FREM1: variants seen among roughly 807,000 people sequenced by gnomAD.
The protein encoded by FREM1 is FRAS1 related extracellular matrix 1, also known as FRAS1-related extracellular matrix protein 1.
A neutral mutation model predicts 210.1 loss-of-function variants in FREM1; 220 were observed. The ratio of observed to expected loss-of-function variants is 1.05; its 90% confidence interval spans 0.94 to 1.17. The LOEUF is 1.17. FREM1 is among the 50% of genes most tolerant of loss of function. The pLI, the probability that FREM1 is intolerant of heterozygous loss-of-function variation, is 0.00. For synonymous variants in FREM1, 1,189 were observed against 980.2 expected (o/e 1.21, Z -3.98); for missense variants, 3,454 against 2,675.5 (o/e 1.29, Z -6.42).
chr9:14,807,670 CAA>C (rs1328149308), intron 17 of FREM1, among the ~76,000 whole-genome samples: 1 of 106,896 alleles, frequency 9.4e-6, no homozygotes, highest in African/African-American at 2.8e-5. Context: ...AACACACACA[CAA>C]AGACACACAC....
chr9:14,770,949 AG>A, intron 25 of FREM1, 143 bp from the exon 26 acceptor site: 1 of 628,530 alleles, frequency 1.6e-6, no homozygotes, highest in Non-Finnish European at 2.8e-6. Flanking sequence ...TGCTAAAGAC[AG>A]TCCTGTTCAC....
rs1432120775 is a variant in FREM1 at position 14,868,811 on chromosome 9, T to A, written c.167A>T (p.Asp56Val). ...CATCACAACTTCCACTTTGCAGGCATCTTTCTCTTTAGGGATGGCAAACTT... is the reference window on the plus strand; with the variant it reads ...CATCACAACTTCCACTTTGCAGGCAACTTTCTCTTTAGGGATGGCAAACTT... ...DLKFAIPKEKDACKVEVVMNE... is the reference protein window; with the variant it reads ...DLKFAIPKEKVACKVEVVMNE... Residue 56 changes from aspartate to valine, a missense_variant, in exon 2 of 37, where the codon GAT becomes GTT. Coordinates refer to ENST00000380880, the MANE Select transcript of FREM1 (RefSeq NM_001379081.2). The A allele has an allele frequency of 1.1e-5, 18 of 1,613,058 alleles. No homozygotes were observed. Among genetic ancestry groups the A allele is most frequent in the Non-Finnish European group, 1.4e-5 (16 of 1,179,510 alleles).
Position 14,899,216 on chromosome 9 carries a change from C to G in FREM1, c.-268+10698G>C, listed in dbSNP as rs549934727. On this transcript the variant is annotated intron_variant, in intron 1 of 36. Coordinates refer to ENST00000380880, the MANE Select transcript of FREM1 (RefSeq NM_001379081.2). ...AGCTACTCAAGGGCCACCCTGGTGGCTCACAGGCCATGTCCCCACAGTGAG... is the reference window on the plus strand; with the variant it reads ...AGCTACTCAAGGGCCACCCTGGTGGGTCACAGGCCATGTCCCCACAGTGAG... Among the ~76,000 whole-genome samples, 4 of 152,354 alleles carry G rather than the reference C, an allele frequency of 2.6e-5. No homozygotes were observed. In the South Asian group the frequency reaches 8.3e-4, roughly 32 times the overall value.
intron 17 of FREM1, among the ~76,000 whole-genome samples, 158 bp downstream of exon 17, chr9:14,807,782 T>A (rs1264944791): frequency 1.3e-5 from 2 of 152,244 alleles, no homozygotes; most frequent in East Asian, 3.9e-4. Flanking sequence ...CTTAACAGAT[T>A]TGGGTTTTCC....
chr9:14,835,218 C>G (rs1233030413), intron 10 of FREM1, among the ~76,000 whole-genome samples: 1 of 152,216 alleles, frequency 6.6e-6, no homozygotes, highest in Non-Finnish European at 1.5e-5. Flanking sequence ...GTCAAGGAAA[C>G]TTATTTTAAA....
rs1489198287 is a variant in FREM1, at chr9:14,809,724, T to G, written c.2894-1590A>C. On this transcript the variant is annotated intron_variant, in intron 16 of 36. Transcript: ENST00000380880. ...TCAACACCTACTGTGTGATAATTAG[T>G]GTTTCCAGCACACCAGCAGAGAAAA... is the stretch of plus-strand genomic sequence containing the variant. Among the ~76,000 whole-genome samples the G allele has an allele frequency of 2.0e-5, 3 of 152,154 alleles. No individual in the cohort carries two copies. The East Asian group carries it at 5.8e-4, about 29-fold the overall frequency.
intron 2 of FREM1, among the ~76,000 whole-genome samples, chr9:14,867,442 T>G (rs1435411529): frequency 2.0e-5 from 3 of 152,220 alleles, no homozygotes; most frequent in African/African-American, 7.2e-5. Context: ...GATACCCATC[T>G]AAAGCTCTTT....
At chr9:14,762,986 T>A (rs941782553) in intron 27 of FREM1, among the ~76,000 whole-genome samples, 10 of 152,150 alleles carry the variant, frequency 6.6e-5, no homozygotes, top group African/African-American at 2.4e-4. Flanking sequence ...TGTGTAGGTG[T>A]CATGTAGATA....
At chr9:14,820,822 G>C (rs1192395911) in intron 13 of FREM1, among the ~76,000 whole-genome samples, 1 of 152,176 alleles carries the variant, frequency 6.6e-6, no homozygotes, top group Admixed American at 6.5e-5. Flanking sequence ...CTGTTTGTAG[G>C]AGAAAGAAAG....
intron 21 of FREM1, among the ~76,000 whole-genome samples, chr9:14,793,181 A>C (rs1001473591): frequency 3.3e-5 from 5 of 152,216 alleles, no homozygotes; most frequent in African/African-American, 1.2e-4. Flanking sequence ...ATTCTATAAA[A>C]TGATCTTGTT....
At chr9:14,785,278 T>G (rs1850234190) in intron 23 of FREM1, among the ~76,000 whole-genome samples, 1 of 152,226 alleles carries the variant, frequency 6.6e-6, no homozygotes, top group African/African-American at 2.4e-5. Context: ...TACAGCTACA[T>G]GGAACAACAC....
intron 1 of FREM1, among the ~76,000 whole-genome samples, chr9:14,888,111 A>C (rs1405632744): frequency 6.6e-6 from 1 of 152,182 alleles, no homozygotes. Context: ...ACCAACATTT[A>C]TACGTGTTTA....
At chr9:14,892,743 C>T (rs186612864) in intron 1 of FREM1, among the ~76,000 whole-genome samples, 6 of 152,252 alleles carry the variant, frequency 3.9e-5, no homozygotes, top group East Asian at 3.9e-4. Flanking sequence ...GACAAGCTGC[C>T]GCCTGAACTT....
chr9:14,872,008 T>G (rs548262582), intron 1 of FREM1, among the ~76,000 whole-genome samples: 1 of 152,324 alleles, frequency 6.6e-6, no homozygotes, highest in South Asian at 2.1e-4. Context: ...GAGGGCTCTG[T>G]GCTGTTCCAT....
chr9:14,781,705 A>G (rs111330324), intron 24 of FREM1, among the ~76,000 whole-genome samples: 4,728 of 152,216 alleles, frequency 0.031, 226 homozygotes, highest in African/African-American at 0.11. Context: ...AAAGGCTTCT[A>G]TAAATTCTTT....
rs71323913 is a variant in FREM1 at position 14,882,912 on chromosome 9, C to CAAAAAAAA, written c.-267-13676_-267-13669dup. On this transcript the variant is annotated intron_variant, in intron 1 of 36. Transcript: ENST00000380880. ...AGGGCAGCAGAGCGAGACTCCATCT[C>CAAAAAAAA]AAAAAAAAAAAAAAAAGGAATCACC... Among the ~76,000 whole-genome samples, 17 of 45,418 alleles carry CAAAAAAAA rather than the reference C, an allele frequency of 3.7e-4. 5 individuals are homozygous for CAAAAAAAA. The highest frequency in any genetic ancestry group is 1.5e-3 in the East Asian group (2 of 1,344). The allele number at this position is 45,418 out of a possible 152,430, so 29.8% of individuals were successfully genotyped here.
chr9:14,782,390 T>G, intron 24 of FREM1: 11 of 974,268 alleles, frequency 1.1e-5, no homozygotes, highest in Non-Finnish European at 1.3e-5. Context: ...TCTGAACATC[T>G]TTATGCATTC....
intron 17 of FREM1, 97 bp from the exon 18 acceptor site, chr9:14,806,943 A>C (rs1818479589): frequency 1.5e-6 from 1 of 654,438 alleles, no homozygotes; most frequent in Non-Finnish European, 2.5e-6. Context: ...AGTTCAGAGA[A>C]GCCTCCCACG....
At chr9:14,899,196 C>A (rs1259733497) in intron 1 of FREM1, among the ~76,000 whole-genome samples, 2 of 152,190 alleles carry the variant, frequency 1.3e-5, no homozygotes, top group Non-Finnish European at 2.9e-5. Flanking sequence ...CCCACAGCTA[C>A]TCAAGGGCCA....
Sources: gnomAD v4.1 joint callset for allele counts (sites outside exome capture counted in the v4.1 genomes callset) on GRCh38, gnomAD v4.1.1 for gene constraint, MANE v1.5 for transcripts, NCBI Gene and HGNC (gene_info 2026-07-23, HGNC 2026-07-21) for gene names.